The following CFAP221 variants were observed in gnomAD, a reference collection of about 807,000 sequenced individuals.
The protein encoded by CFAP221 is cilia and flagella associated protein 221.
A neutral mutation model predicts 113.1 loss-of-function variants in CFAP221; 97 were observed. That is an observed-to-expected ratio of 0.86 (90% CI 0.73 to 1.02). The LOEUF is 1.02. Ranked by LOEUF, CFAP221 falls within the 50% of genes least tolerant of loss-of-function variation. The pLI is 0.00. For missense variants in CFAP221, 1,025 were observed against 1,013.4 expected (o/e 1.01, Z -0.16); for synonymous variants, 331 against 354.4 (o/e 0.93, Z 0.74).
intron 11 of CFAP221, among the ~76,000 whole-genome samples, chr2:119,606,661 G>A (rs535470635): frequency 1.2e-3 from 183 of 152,192 alleles, no homozygotes; most frequent in Non-Finnish European, 1.7e-3. Context: ...AAAAAATCAC[G>A]GTGATGCCCC....
chr2:119,632,543 AT>A (rs1686844240), intron 19 of CFAP221, among the ~76,000 whole-genome samples: 3 of 152,168 alleles, frequency 2.0e-5, no homozygotes, highest in Admixed American at 1.3e-4. Flanking sequence ...GGAGTAGTAA[AT>A]CACTGAATGC....
chr2:119,596,509 C>G (rs1344094246), intron 7 of CFAP221, among the ~76,000 whole-genome samples: 1 of 152,186 alleles, frequency 6.6e-6, no homozygotes, highest in Admixed American at 6.5e-5. Context: ...CCACATCCCC[C>G]CATCAGTACA....
chr2:119,581,963 G>C (rs1411188314), intron 6 of CFAP221, among the ~76,000 whole-genome samples: 1 of 151,968 alleles, frequency 6.6e-6, no homozygotes, highest in Admixed American at 6.6e-5. Context: ...AGAGAGAAAA[G>C]AGTGATAATC....
chr2:119,647,332 G>T (rs781031836), intron 22 of CFAP221, among the ~76,000 whole-genome samples: 5 of 152,188 alleles, frequency 3.3e-5, no homozygotes, highest in Admixed American at 6.5e-5. Context: ...GGCTTCAGTG[G>T]TCACATGGAC....
At chr2:119,585,565 G>C (rs1683157372) in intron 6 of CFAP221, among the ~76,000 whole-genome samples, 1 of 152,186 alleles carries the variant, frequency 6.6e-6, no homozygotes, top group Non-Finnish European at 1.5e-5. Context: ...TTAGAGCTCA[G>C]TAGTAGATAA....
rs77940225 is a variant in CFAP221, at chr2:119,550,500, A to C, written c.240+1315A>C. Among the ~76,000 whole-genome samples the C allele has an allele frequency of 2.2e-3, 338 of 152,290 alleles. 3 individuals carry two copies. Among genetic ancestry groups the C allele is most frequent in the African/African-American group, 7.6e-3 (317 of 41,556 alleles). On this transcript the variant is annotated intron_variant, in intron 3 of 23. Coordinates refer to ENST00000413369, the MANE Select transcript of CFAP221 (RefSeq NM_001271049.2). ...ATTTGAAACTCTTATTAGGAACTTC[A>C]CCCATCAACCTCCAAGGTCACATTT...
intron 23 of CFAP221, chr2:119,655,868 T>G (rs1364918150): frequency 6.4e-6 from 1 of 156,740 alleles, no homozygotes; most frequent in Admixed American, 6.3e-5. Context: ...AACATCAGCC[T>G]CGGCTCCACT....
intron 21 of CFAP221, among the ~76,000 whole-genome samples, chr2:119,646,148 G>A (rs1687788666): frequency 1.3e-5 from 2 of 152,118 alleles, no homozygotes; most frequent in South Asian, 4.2e-4. Flanking sequence ...AAGGAGGTGG[G>A]GAGGAAGATA....
In CFAP221 at chr2:119,559,075, A is replaced by T. The variant is rs765136025; in HGVS notation, c.241-614A>T. Among the ~76,000 whole-genome samples the T allele has an allele frequency of 3.9e-5, 6 of 152,310 alleles. No individual in the cohort carries two copies. The East Asian group carries it at 1.2e-3, about 29-fold the overall frequency. ...ATTCAAAATTCTTGTGTCCCTTTCAAACGAAGGAAGGAAAAACACCTTTCC... is the reference window on the plus strand; with the variant it reads ...ATTCAAAATTCTTGTGTCCCTTTCATACGAAGGAAGGAAAAACACCTTTCC... On this transcript the variant is annotated intron_variant, in intron 3 of 23. Transcript: ENST00000413369.
At chr2:119,604,481 A>G (rs1684582952) in intron 8 of CFAP221, among the ~76,000 whole-genome samples, 191 bp from the exon 9 acceptor site, 1 of 152,052 alleles carries the variant, frequency 6.6e-6, no homozygotes, top group South Asian at 2.1e-4. Context: ...GGCAATTTTG[A>G]TATCGCTGAT....
intron 12 of CFAP221, among the ~76,000 whole-genome samples, chr2:119,610,081 G>A (rs539182143): frequency 6.6e-6 from 1 of 152,296 alleles, no homozygotes; most frequent in Admixed American, 6.5e-5. Context: ...ACAGTGGAAT[G>A]CTGTTTTCTA....
intron 6 of CFAP221, among the ~76,000 whole-genome samples, chr2:119,578,540 G>T (rs1345268930): frequency 6.6e-6 from 1 of 152,076 alleles, no homozygotes; most frequent in Non-Finnish European, 1.5e-5. Flanking sequence ...GAGATCACTG[G>T]GCCTATTAAC....
At chr2:119,554,978 G>C (rs1386631962) in intron 3 of CFAP221, among the ~76,000 whole-genome samples, 2 of 152,126 alleles carry the variant, frequency 1.3e-5, no homozygotes, top group Non-Finnish European at 2.9e-5. Flanking sequence ...GACTTCACTG[G>C]AGGGCAGGTT....
chr2:119,609,804 G>T (rs1270482735), intron 12 of CFAP221, among the ~76,000 whole-genome samples: 1 of 152,114 alleles, frequency 6.6e-6, no homozygotes, highest in Non-Finnish European at 1.5e-5. Flanking sequence ...TGGGATTGGG[G>T]AAAAACATTT....
At chr2:119,551,682 G>T (rs1680444281) in intron 3 of CFAP221, among the ~76,000 whole-genome samples, 1 of 152,176 alleles carries the variant, frequency 6.6e-6, no homozygotes, top group African/African-American at 2.4e-5. Flanking sequence ...AAATCAGGAA[G>T]TGCGAGTCCT....
At chr2:119,644,292 T>C (rs1019915873) in intron 21 of CFAP221, among the ~76,000 whole-genome samples, 1 of 152,192 alleles carries the variant, frequency 6.6e-6, no homozygotes, top group Non-Finnish European at 1.5e-5. Flanking sequence ...GAGGAACTGG[T>C]CTCAGAATTT....
intron 7 of CFAP221, among the ~76,000 whole-genome samples, chr2:119,597,465 C>A (rs934549047): frequency 6.6e-6 from 1 of 152,120 alleles, no homozygotes; most frequent in African/African-American, 2.4e-5. Flanking sequence ...ATTAATTTCC[C>A]AACATTAGCT....
chr2:119,635,974 C>T (rs1687087966), intron 19 of CFAP221, among the ~76,000 whole-genome samples: 2 of 152,156 alleles, frequency 1.3e-5, no homozygotes, highest in Non-Finnish European at 2.9e-5. Flanking sequence ...ATCAACTGAA[C>T]ATCAGTATGT....
At chr2:119,580,279 T>C (rs1314783931) in intron 6 of CFAP221, 1 of 152,132 alleles carries the variant, frequency 6.6e-6, no homozygotes, top group Non-Finnish European at 1.5e-5. Flanking sequence ...CCTATGAAGT[T>C]TTCATTTTAC....
Sources: allele counts gnomAD v4.1 joint callset (sites outside exome capture counted in the v4.1 genomes callset), GRCh38; gene constraint gnomAD v4.1.1; transcripts MANE v1.5; gene names NCBI Gene and HGNC (gene_info 2026-07-23, HGNC 2026-07-21).